The following CRACD variants were observed in gnomAD, a reference collection of about 807,000 sequenced individuals.
CRACD encodes capping protein inhibiting regulator of actin dynamics, also known as capping protein-inhibiting regulator of actin dynamics.
In CRACD, 56 loss-of-function variants were observed where a neutral mutation model predicts 106.8. The ratio of observed to expected loss-of-function variants is 0.52; its 90% CI spans 0.42 to 0.66. The LOEUF is 0.66. CRACD is among the 30% of genes least tolerant of loss of function. The probability of loss-of-function intolerance (pLI) is 0.00; values close to 1 mark genes in which losing one functional copy is unlikely to be tolerated. For missense variants in CRACD, 1,730 were observed against 1,623.2 expected (o/e 1.07, Z -1.13); for synonymous variants, 754 against 670.8 (o/e 1.12, Z -1.92).
chr4:56,117,335 T>C (rs1734329762), intron 1 of CRACD, among the ~76,000 whole-genome samples: 1 of 152,176 alleles, frequency 6.6e-6, no homozygotes, highest in African/African-American at 2.4e-5. Flanking sequence ...TTTTTTATTT[T>C]TCAAATTACT....
At chr4:56,065,025 G>A (rs776921091) in intron 1 of CRACD, among the ~76,000 whole-genome samples, 44 of 151,128 alleles carry the variant, frequency 2.9e-4, no homozygotes, top group Non-Finnish European at 3.1e-4. Flanking sequence ...GAAAAGCCAC[G>A]TGCAGCAGGA....
intron 2 of CRACD, among the ~76,000 whole-genome samples, chr4:56,220,917 A>G (rs892707803): frequency 6.6e-6 from 1 of 152,154 alleles, no homozygotes; most frequent in African/African-American, 2.4e-5. Context: ...ATAGATAGAA[A>G]GTAAAAACTC....
Position 56,193,051 on chromosome 4 carries a change from G to A in CRACD, c.-189+13621G>A, listed in dbSNP as rs368935194. ...ACTGGGTAATTTATAAAGAAAAAGCGGTATAATGGACTCACAGTTCCACTT... is the reference window on the plus strand; with the variant it reads ...ACTGGGTAATTTATAAAGAAAAAGCAGTATAATGGACTCACAGTTCCACTT... On this transcript the variant is annotated intron_variant, in intron 2 of 10. Transcript: ENST00000682029. Among the ~76,000 whole-genome samples the A allele has an allele frequency of 7.2e-5, 11 of 152,258 alleles. No individual in the cohort carries two copies. The South Asian group carries it at 1.0e-3, about 14-fold the overall frequency.
At chr4:56,139,739 G>T (rs1735129223) in intron 1 of CRACD, among the ~76,000 whole-genome samples, 1 of 151,872 alleles carries the variant, frequency 6.6e-6, no homozygotes, top group Non-Finnish European at 1.5e-5. Context: ...GGGAGTACAA[G>T]GAATTTGAAA....
intron 2 of CRACD, among the ~76,000 whole-genome samples, chr4:56,244,150 C>G (rs1053238104): frequency 2.0e-4 from 31 of 152,128 alleles, no homozygotes; most frequent in African/African-American, 6.0e-4. Flanking sequence ...TGAGAAGATT[C>G]TGAAGGCAGA....
At chr4:56,053,652 C>T (rs1731949048) in intron 1 of CRACD, among the ~76,000 whole-genome samples, 1 of 152,170 alleles carries the variant, frequency 6.6e-6, no homozygotes, top group South Asian at 2.1e-4. Flanking sequence ...TGCCACTGCT[C>T]TTGCATTATA....
chr4:56,100,878 A>G (rs1225078955), intron 1 of CRACD, among the ~76,000 whole-genome samples: 1 of 152,200 alleles, frequency 6.6e-6, no homozygotes, highest in Non-Finnish European at 1.5e-5. Context: ...GCAAATGAAT[A>G]TCTATATCAA....
rs368076623 is a variant in CRACD at position 56,314,688 on chromosome 4, G to A, written c.1186G>A (p.Ala396Thr). 2.7e-5 allele frequency: 42 copies of A among 1,553,648 alleles called. No homozygotes were observed. The African/African-American group carries it at 3.3e-4, about 12-fold the overall frequency. ...GGAGACTGGGGAGGGCCGGCGGGGCGCGGAGGAGGAGGATCTGGGGGAAGA... is the reference window on the plus strand; with the variant it reads ...GGAGACTGGGGAGGGCCGGCGGGGCACGGAGGAGGAGGATCTGGGGGAAGA... ...LEETGEGRRGAEEEDLGEEEE... is the reference protein window; with the variant it reads ...LEETGEGRRGTEEEDLGEEEE... Residue 396 changes from alanine (A) to threonine (T), a missense_variant, in exon 8 of 11, where the codon GCG becomes ACG. This residue lies in a region of CRACD where 1,620 missense variants were observed against 1,481.6 expected (regional missense o/e 1.09). Transcript: ENST00000682029. The surrounding 1 kb of genome is among the most constrained non-coding windows in gnomAD (Gnocchi z 4.4).
At chr4:56,142,314 A>G (rs924807680) in intron 1 of CRACD, among the ~76,000 whole-genome samples, 1 of 152,168 alleles carries the variant, frequency 6.6e-6, no homozygotes, top group Non-Finnish European at 1.5e-5. Context: ...TAATTTAATT[A>G]GCCACTTCTG....
At chr4:56,224,563 C>T (rs1159072353) in intron 2 of CRACD, among the ~76,000 whole-genome samples, 1 of 152,154 alleles carries the variant, frequency 6.6e-6, no homozygotes, top group Admixed American at 6.5e-5. Context: ...TACCTACCAC[C>T]TTGCCCCAGC....
intron 2 of CRACD, among the ~76,000 whole-genome samples, chr4:56,208,359 T>A (rs1197286611): frequency 6.6e-6 from 1 of 152,152 alleles, no homozygotes; most frequent in Non-Finnish European, 1.5e-5. Context: ...AGACCCAATC[T>A]CCAGGTTCTA....
In CRACD at chr4:56,314,485, A is replaced by G; in HGVS notation, c.983A>G (p.Gln328Arg). The G allele has an allele frequency of 6.6e-7, 1 of 1,525,974 alleles. No individual in the cohort carries two copies. The highest frequency in any genetic ancestry group is 8.8e-7 in the Non-Finnish European group (1 of 1,137,786). The allele number at this position is 1,525,974 out of a possible 1,614,324, so 94.5% of individuals were successfully genotyped here. The stretch of plus-strand genomic sequence containing the variant: ...CGAAGGCGTCTGCAGGCCCAGGCCC[A>G]AGCGGAGGAGAGGCGGCGGCTGGAG... ...EERRRLQAQAQAEERRRLEED... is the reference protein window; with the variant it reads ...EERRRLQAQARAEERRRLEED... The change falls in exon 8 of 11, where the codon CAA becomes CGA. Residue 328 changes from glutamine to arginine, a missense_variant. Transcript: ENST00000682029. The surrounding 1 kb of genome is among the most constrained non-coding windows in gnomAD (Gnocchi z 4.4).
chr4:56,196,369 G>A (rs995147340), intron 2 of CRACD: 1 of 153,098 alleles, frequency 6.5e-6, no homozygotes, highest in Admixed American at 6.5e-5. Flanking sequence ...TCATGGCCAT[G>A]GAGGAAAGTA....
chr4:56,253,168 T>C lies in CRACD; in HGVS notation c.-188-19153T>C, dbSNP rs149762587. 1.3e-3 allele frequency among the ~76,000 whole-genome samples: 201 copies of C among 152,284 alleles called. 6 individuals carry two copies. The East Asian group carries it at 0.038, about 29-fold the overall frequency. On this transcript the variant is annotated intron_variant, in intron 2 of 10. Coordinates refer to ENST00000682029, the MANE Select transcript of CRACD (RefSeq NM_001393381.1). ...ACGACTTGGCTCTCTTTTAGCAACT[T>C]ACAGACCATACTCTGGCCTCTCCCA...
intron 1 of CRACD, among the ~76,000 whole-genome samples, chr4:56,095,638 T>C (rs996003623): frequency 6.6e-6 from 1 of 151,894 alleles, no homozygotes; most frequent in Non-Finnish European, 1.5e-5. Context: ...GCAGAGTAAG[T>C]TGGGGGAGGA....
chr4:56,264,415 A>G (rs977884461), intron 2 of CRACD, among the ~76,000 whole-genome samples: 3 of 152,192 alleles, frequency 2.0e-5, no homozygotes, highest in Admixed American at 1.3e-4. Flanking sequence ...TTAGGCCTGC[A>G]TTAGAAGCCT....
chr4:56,302,570 G>A (rs950197131), intron 4 of CRACD, among the ~76,000 whole-genome samples: 14 of 152,296 alleles, frequency 9.2e-5, no homozygotes, highest in African/African-American at 3.4e-4. Flanking sequence ...TACTGCAGCT[G>A]TCAAGGACAC....
At chr4:56,062,670 C>T (rs2109787575) in intron 1 of CRACD, among the ~76,000 whole-genome samples, 1 of 152,242 alleles carries the variant, frequency 6.6e-6, no homozygotes, top group South Asian at 2.1e-4. Context: ...GATCTCTGAC[C>T]TTCTGCTGAC....
chr4:56,283,947 A>G (rs1421228148), intron 3 of CRACD, among the ~76,000 whole-genome samples: 4 of 152,200 alleles, frequency 2.6e-5, no homozygotes, highest in Non-Finnish European at 4.4e-5. Context: ...AAGTCTCAAA[A>G]GAAACCTTGA....
Sources: gnomAD v4.1 joint callset for allele counts (sites outside exome capture counted in the v4.1 genomes callset) on GRCh38, gnomAD v4.1.1 for gene constraint, gnomAD v4.1.1 regional missense constraint, Gnocchi (gnomAD v3.1) non-coding constraint, MANE v1.5 for transcripts, NCBI Gene and HGNC (gene_info 2026-07-23, HGNC 2026-07-21) for gene names.